COL22A1: variants seen among roughly 807,000 people sequenced by gnomAD.
The protein encoded by COL22A1 is collagen alpha-1(XXII) chain.
Under a neutral mutation model 248.9 loss-of-function variants are expected in COL22A1, and 221 were observed. The observed-to-expected ratio is 0.89, with a 90% CI of 0.80 to 0.99. The LOEUF (loss-of-function observed/expected upper bound fraction) is 0.99. COL22A1 is among the 50% of genes least tolerant of loss of function. The pLI is 0.00. For missense variants in COL22A1, 2,240 were observed against 2,179.0 expected, an observed-to-expected ratio of 1.03 and a Z score of -0.56; for synonymous variants, 891 against 793.4, an observed-to-expected ratio of 1.12 and a Z score of -2.07.
chr8:138,672,388 T>C lies in COL22A1; in HGVS notation c.3150+4170A>G, dbSNP rs1230967661. ...ATTACTCTAATATTTCAGTGGCTGT[T>C]ATCTTTATTATTAATATATTATTCC... On this transcript the variant is annotated intron_variant, in intron 41 of 64. Coordinates refer to ENST00000303045, the MANE Select transcript of COL22A1 (RefSeq NM_152888.3). 2.0e-5 allele frequency among the ~76,000 whole-genome samples: 3 copies of C among 152,200 alleles called. No individual in the cohort carries two copies. In the East Asian group the frequency reaches 5.8e-4, roughly 29 times the overall value.
chr8:138,598,720 C>A lies in COL22A1; in HGVS notation c.4364G>T (p.Arg1455Met), dbSNP rs1564079321. Residue 1455 changes from arginine (R) to methionine (M), a missense_variant and splice_region_variant, in exon 61 of 65, where the codon AGG becomes ATG. Physicochemically the swap from Arg to Met is moderately conservative, Grantham distance 91. Transcript: ENST00000303045. ...CCAAAGCCATATTAGCATCCTTACC[C>A]TCAGTCCTGGAAATCCCGGCTGGCC... ...PPGQPGFPGL[R>M]GESPSMETLR... 4 of 1,612,764 alleles carry A rather than the reference C, an allele frequency of 2.5e-6. No homozygotes were observed. Among genetic ancestry groups the A allele is most frequent in the African/African-American group, 1.3e-5 (1 of 74,850 alleles).
At chr8:138,625,820 T>C (rs1243417737) in intron 51 of COL22A1, among the ~76,000 whole-genome samples, 1 of 152,214 alleles carries the variant, frequency 6.6e-6, no homozygotes, top group Non-Finnish European at 1.5e-5. Context: ...GGAAAATGTT[T>C]ACATTATCAC....
chr8:138,761,779 T>C (rs904874181), intron 17 of COL22A1, among the ~76,000 whole-genome samples: 2 of 152,214 alleles, frequency 1.3e-5, no homozygotes, highest in African/African-American at 2.4e-5. Context: ...TGCGTTCACA[T>C]GGTTCAAAAC....
At chr8:138,803,599 C>A (rs1222536776) in intron 10 of COL22A1, among the ~76,000 whole-genome samples, 1 of 152,038 alleles carries the variant, frequency 6.6e-6, no homozygotes, top group East Asian at 1.9e-4. Flanking sequence ...ATTTGTATAA[C>A]AAGTCCATCC....
At chr8:138,776,182 T>A (rs1814440058) in intron 15 of COL22A1, among the ~76,000 whole-genome samples, 172 bp from the exon 16 acceptor site, 2 of 152,060 alleles carry the variant, frequency 1.3e-5, no homozygotes, top group South Asian at 4.1e-4. Flanking sequence ...GCAGCTGCTG[T>A]GTCGTCTGGG....
chr8:138,762,166 C>CA (rs374362488), intron 17 of COL22A1, among the ~76,000 whole-genome samples: 75 of 152,118 alleles, frequency 4.9e-4, no homozygotes, highest in African/African-American at 1.7e-3. Context: ...GAGGCCTTTA[C>CA]ATTATGATAA....
chr8:138,808,652 T>G (rs908091339), intron 9 of COL22A1, among the ~76,000 whole-genome samples: 2 of 152,190 alleles, frequency 1.3e-5, no homozygotes, highest in African/African-American at 4.8e-5. Flanking sequence ...TTAATATAAT[T>G]TTATAGATAT....
chr8:138,856,943 T>A (rs1223822729), intron 3 of COL22A1, among the ~76,000 whole-genome samples: 1 of 152,102 alleles, frequency 6.6e-6, no homozygotes, highest in Non-Finnish European at 1.5e-5. Flanking sequence ...CTGGGACAAA[T>A]GGGTGTCCAC....
chr8:138,760,170 T>G, intron 18 of COL22A1, 73 bp downstream of exon 18: 2 of 1,323,828 alleles, frequency 1.5e-6, no homozygotes, highest in Non-Finnish European at 2.0e-6. Flanking sequence ...CTGAGCCTGG[T>G]TTGCCAAGGC....
intron 1 of COL22A1, among the ~76,000 whole-genome samples, chr8:138,897,268 C>T (rs1586991555): frequency 6.6e-6 from 1 of 152,074 alleles, no homozygotes; most frequent in Non-Finnish European, 1.5e-5. Flanking sequence ...ATAGCTTAGG[C>T]CAGGTACAGT....
chr8:138,655,762 T>C (rs547656279), intron 45 of COL22A1, 135 bp downstream of exon 45: 2 of 780,136 alleles, frequency 2.6e-6, no homozygotes, highest in Non-Finnish European at 4.5e-6. Flanking sequence ...CATGCTGAGT[T>C]GTCAACTAAT....
intron 3 of COL22A1, among the ~76,000 whole-genome samples, chr8:138,844,842 C>G (rs574077736): frequency 1.3e-5 from 2 of 149,590 alleles, no homozygotes; most frequent in Admixed American, 6.7e-5. Context: ...CCCAGCTACT[C>G]GGGAGGCTGA....
At chr8:138,751,610 A>G in intron 21 of COL22A1, 99 bp from the exon 22 acceptor site, 1 of 735,486 alleles carries the variant, frequency 1.4e-6, no homozygotes, top group Non-Finnish European at 2.2e-6. Context: ...CTCATTGAAT[A>G]GTGTAATACC....
chr8:138,656,068 G>A, intron 44 of COL22A1, 124 bp from the exon 45 acceptor site: 1 of 766,826 alleles, frequency 1.3e-6, no homozygotes, highest in Non-Finnish European at 2.2e-6. Context: ...GCCGTGCGTG[G>A]GATACGGACA....
At chr8:138,619,606 C>A in intron 52 of COL22A1, 98 bp from the exon 53 acceptor site, 1 of 1,135,434 alleles carries the variant, frequency 8.8e-7, no homozygotes, top group South Asian at 1.3e-5. Context: ...TCCCACAAGC[C>A]AGTTTCTATC....
chr8:138,732,692 CATT>C (rs149063696), intron 23 of COL22A1, among the ~76,000 whole-genome samples: 4,777 of 152,256 alleles, frequency 0.031, 127 homozygotes, highest in Admixed American at 0.083. Context: ...TGACTGTTCT[CATT>C]ATTAGTAATG....
intron 36 of COL22A1, among the ~76,000 whole-genome samples, 173 bp downstream of exon 36, chr8:138,690,648 A>G (rs1349141501): frequency 6.6e-6 from 1 of 152,030 alleles, no homozygotes; most frequent in Non-Finnish European, 1.5e-5. Flanking sequence ...CCTAGGGCTC[A>G]GGTGTGTGAA....
chr8:138,854,125 A>G (rs556822355), intron 3 of COL22A1, among the ~76,000 whole-genome samples: 1 of 152,156 alleles, frequency 6.6e-6, no homozygotes, highest in Non-Finnish European at 1.5e-5. Context: ...GCCACAGGAC[A>G]GTGTGTGCCA....
At chr8:138,685,590 C>T (rs955095305) in intron 37 of COL22A1, among the ~76,000 whole-genome samples, 1 of 152,084 alleles carries the variant, frequency 6.6e-6, no homozygotes, top group Non-Finnish European at 1.5e-5. Context: ...GTGACCCTCC[C>T]CAATGGTCCT....
Sources: allele counts gnomAD v4.1 joint callset (sites outside exome capture counted in the v4.1 genomes callset), GRCh38; gene constraint gnomAD v4.1.1; transcripts MANE v1.5; gene names NCBI Gene and HGNC (gene_info 2026-07-23, HGNC 2026-07-21).